GALC: variants seen among roughly 807,000 people sequenced by gnomAD.
The protein encoded by GALC is galactocerebrosidase.
In GALC, 77 loss-of-function variants were observed where a neutral mutation model predicts 91.8. The ratio of observed to expected loss-of-function variants is 0.84; its 90% CI spans 0.70 to 1.01. The LOEUF is 1.01. Ranked by LOEUF, GALC falls within the 50% of genes least tolerant of loss-of-function variation. The pLI is 0.00. For synonymous variants in GALC, 357 were observed against 306.7 expected (o/e 1.16, Z -1.71); for missense variants, 882 against 855.9 (o/e 1.03, Z -0.38).
intron 12 of GALC, among the ~76,000 whole-genome samples, chr14:87,948,268 TATCACTGTCG>T (rs1236865303): frequency 1.3e-5 from 2 of 152,038 alleles, no homozygotes; most frequent in Non-Finnish European, 2.9e-5. Context: ...ATTCATAAAA[TATCACTGTCG>T]ACCCAGCTGT....
In GALC at chr14:87,993,146, A is replaced by G. The variant is rs1887304079; in HGVS notation, c.19T>C (p.Ser7Pro). 6.3e-7 allele frequency: 1 copy of G among 1,584,152 alleles called. No individual in the cohort carries two copies. The highest frequency in any genetic ancestry group is 1.3e-5 in the African/African-American group (1 of 74,542). MAEWLL[S>P]ASWQRRAKAM... ...TTCGCTCGGCGTTGCCAGGAAGCCG[A>G]GAGTAGCCACTCAGCCATTGTGTGG... The change falls in exon 1 of 17, where the codon TCG becomes CCG. Residue 7 changes from serine to proline, a missense_variant. Ser to Pro is a moderately conservative substitution (Grantham distance 74). Coordinates refer to ENST00000261304, the MANE Select transcript of GALC (RefSeq NM_000153.4).
At chr14:87,938,086 G>A (rs976244618) in intron 16 of GALC, among the ~76,000 whole-genome samples, 11 of 151,948 alleles carry the variant, frequency 7.2e-5, no homozygotes, top group African/African-American at 1.9e-4. Context: ...CAATGAGGAA[G>A]TTGCCCCACC....
At chr14:87,943,695 G>A (rs1884950319) in intron 14 of GALC, among the ~76,000 whole-genome samples, 2 of 152,052 alleles carry the variant, frequency 1.3e-5, no homozygotes, top group South Asian at 4.1e-4. Flanking sequence ...TGGTTGTGTG[G>A]GAAATCCATC....
At chr14:87,990,615 C>T (rs1887159769) in intron 1 of GALC, among the ~76,000 whole-genome samples, 1 of 152,230 alleles carries the variant, frequency 6.6e-6, no homozygotes, top group South Asian at 2.1e-4. Flanking sequence ...GTAAACAATG[C>T]TTCCTGTCCT....
At chr14:87,990,815 T>C (rs1887167838) in intron 1 of GALC, among the ~76,000 whole-genome samples, 1 of 152,196 alleles carries the variant, frequency 6.6e-6, no homozygotes, top group Admixed American at 6.5e-5. Flanking sequence ...ATGCACCATC[T>C]AGCAATAGCA....
intron 16 of GALC, among the ~76,000 whole-genome samples, chr14:87,936,741 G>C (rs1391403222): frequency 1.3e-5 from 2 of 151,286 alleles, no homozygotes; most frequent in East Asian, 3.9e-4. Context: ...CCATTTTGCA[G>C]ATAAGGAAAT....
Position 87,992,733 on chromosome 14 carries a change from C to T in GALC, c.195+237G>A, listed in dbSNP as rs987291783. The T allele has an allele frequency of 2.8e-6, 4 of 1,423,068 alleles. No individual in the cohort carries two copies. The African/African-American group carries it at 4.3e-5, about 15-fold the overall frequency. The allele number at this position is 1,423,068 out of a possible 1,614,324, so 88.2% of individuals were successfully genotyped here. Reference sequence around the variant, plus strand: ...CTCTCTGCACCTATACTCTCTGGACCTCCGGATCCTCATTTGTTCAAACCT... The same window carrying T: ...CTCTCTGCACCTATACTCTCTGGACTTCCGGATCCTCATTTGTTCAAACCT... On this transcript the variant is annotated intron_variant, in intron 1 of 16. Coordinates refer to ENST00000261304, the MANE Select transcript of GALC (RefSeq NM_000153.4).
At chr14:87,987,868 G>A (rs1887038016) in intron 3 of GALC, 2 of 433,318 alleles carry the variant, frequency 4.6e-6, no homozygotes, top group South Asian at 5.6e-5. Context: ...GCTCTGTCCT[G>A]TATATATAGG....
At chr14:87,963,775 T>A (rs939740888) in intron 9 of GALC, among the ~76,000 whole-genome samples, 3 of 152,088 alleles carry the variant, frequency 2.0e-5, no homozygotes, top group African/African-American at 7.2e-5. Context: ...GTCTTTTTTT[T>A]AAGAATAAAA....
In GALC at chr14:87,947,794, C is replaced by T. The variant is rs1305623126; in HGVS notation, c.1423G>A (p.Gly475Ser). Residue 475 changes from glycine to serine, a missense_variant, in exon 13 of 17, where the codon GGC becomes AGC. By Grantham distance (56) the Gly-to-Ser change is moderately conservative. Transcript: ENST00000261304. ...TLTTLTTGRK[G>S]SYPLPPKSQP... ...GATTTTGGAGGAAGCGGGTAGCTGC[C>T]TTTGCGACCAGTGGTGAGAGTGGTG... 6.2e-7 allele frequency: 1 copy of T among 1,612,830 alleles called. No individual in the cohort carries two copies. The highest frequency in any genetic ancestry group is 8.5e-7 in the Non-Finnish European group (1 of 1,179,312).
chr14:87,966,403 G>T (rs1285549729), intron 8 of GALC, among the ~76,000 whole-genome samples: 1 of 151,892 alleles, frequency 6.6e-6, no homozygotes, highest in Non-Finnish European at 1.5e-5. Context: ...AGGACAAAAG[G>T]GAAGTTATTG....
At chr14:87,978,169 A>G in intron 6 of GALC, among the ~76,000 whole-genome samples, 1 of 152,154 alleles carries the variant, frequency 6.6e-6, no homozygotes. Context: ...CTCCTGCCTC[A>G]GCCTCTCAAG....
chr14:87,964,105 T>C (rs1273290489), intron 9 of GALC, among the ~76,000 whole-genome samples: 1 of 151,826 alleles, frequency 6.6e-6, no homozygotes, highest in African/African-American at 2.4e-5. Context: ...CATATAATTC[T>C]CAATATTAGA....
At chr14:87,961,649 G>A (rs1885810126) in intron 10 of GALC, among the ~76,000 whole-genome samples, 1 of 152,164 alleles carries the variant, frequency 6.6e-6, no homozygotes, top group Non-Finnish European at 1.5e-5. Context: ...CTCCTCTGAA[G>A]CAGGTCATAA....
intron 6 of GALC, among the ~76,000 whole-genome samples, chr14:87,979,127 C>T (rs968455433): frequency 1.3e-5 from 2 of 152,058 alleles, no homozygotes; most frequent in Non-Finnish European, 2.9e-5. Flanking sequence ...CAGGTTCAAG[C>T]AATTTTTCTG....
chr14:87,975,791 AT>A (rs1244150197), intron 7 of GALC, among the ~76,000 whole-genome samples: 1 of 151,832 alleles, frequency 6.6e-6, no homozygotes, highest in African/African-American at 2.4e-5. Flanking sequence ...TACATATCCT[AT>A]TTTTCAAATG....
intron 6 of GALC, among the ~76,000 whole-genome samples, chr14:87,977,452 G>T (rs945167042): frequency 1.3e-5 from 2 of 152,040 alleles, no homozygotes. Context: ...AACTAACAGG[G>T]CATACTAGAA....
chr14:87,951,159 T>A (rs1885292077), intron 10 of GALC, among the ~76,000 whole-genome samples: 1 of 151,662 alleles, frequency 6.6e-6, no homozygotes, highest in Non-Finnish European at 1.5e-5. Context: ...TATATATATA[T>A]GTATGGGTGT....
rs369249372 is a variant in GALC at position 87,953,701 on chromosome 14, T to C, written c.1162-2953A>G. The C allele has an allele frequency of 1.9e-5, 30 of 1,608,376 alleles. No homozygotes were observed. The African/African-American group carries it at 2.0e-4, about 11-fold the overall frequency. ...CCTTCAAGTAGCTAAGAAAATGAAG[T>C]TGATTTCTAATGCAGGAGATTCTGT... is the stretch of plus-strand genomic sequence containing the variant. On this transcript the variant is annotated intron_variant, in intron 10 of 16. Transcript: ENST00000261304.
Sources: allele counts gnomAD v4.1 joint callset (sites outside exome capture counted in the v4.1 genomes callset), GRCh38; gene constraint gnomAD v4.1.1; transcripts MANE v1.5; gene names NCBI Gene and HGNC (gene_info 2026-07-23, HGNC 2026-07-21).